The following IQSEC1 variants were observed in gnomAD, a reference collection of about 807,000 sequenced individuals.
IQSEC1 encodes IQ motif and Sec7 domain ArfGEF 1.
IQSEC1 carries 31 observed loss-of-function variants against 91.0 expected under a neutral mutation model. That is an observed-to-expected ratio of 0.34 (90% CI 0.26 to 0.46). The LOEUF (loss-of-function observed/expected upper bound fraction) is 0.46, where lower values mean the gene tolerates loss of function less well. Ranked by LOEUF, IQSEC1 falls within the 20% of genes least tolerant of loss-of-function variation. The pLI is 1.00. For synonymous variants in IQSEC1, 699 were observed against 662.6 expected (o/e 1.05, Z -0.84); for missense variants, 1,388 against 1,575.6 (o/e 0.88, Z 2.02).
chr3:13,194,713 C>T (rs1361352232), intron 1 of IQSEC1, among the ~76,000 whole-genome samples: 1 of 152,088 alleles, frequency 6.6e-6, no homozygotes, highest in African/African-American at 2.4e-5. Flanking sequence ...CGTGCTTCCT[C>T]CTTTGAATCT....
intron 1 of IQSEC1, among the ~76,000 whole-genome samples, chr3:13,217,071 T>A (rs1329969537): frequency 6.6e-6 from 1 of 152,092 alleles, no homozygotes; most frequent in Non-Finnish European, 1.5e-5. Context: ...AAAAGATGAT[T>A]TTGATTTTAT....
rs1053992246 is a variant in IQSEC1 at position 12,908,709 on chromosome 3, G to A, written c.2579-184C>T. Among the ~76,000 whole-genome samples, 2 of 152,002 alleles carry A rather than the reference G, an allele frequency of 1.3e-5. No individual in the cohort carries two copies. The highest frequency in any genetic ancestry group is 4.8e-5 in the African/African-American group (2 of 41,380). ...CAAAAGAGCAGAAAGGAGATCCCAG[G>A]AGGGAGGCTAGAGAGACCAGAGGGC... On this transcript the variant is annotated intron_variant, in intron 11 of 13. Transcript: ENST00000613206. The surrounding 1 kb of genome is among the most constrained non-coding windows in gnomAD (Gnocchi z 4.9).
In IQSEC1 at chr3:12,924,808, A is replaced by G; in HGVS notation, c.1569-66T>C. ...GCCACCAGCCAGGCACCTGGAGGGG[A>G]TCTCCGCTCAGTGGACGGTCGACAT... On this transcript the variant is annotated intron_variant, in intron 3 of 13. Coordinates refer to ENST00000613206, the MANE Select transcript of IQSEC1 (RefSeq NM_001134382.3). This position sits in a 1 kb window ranked among gnomAD's most constrained non-coding sequence, Gnocchi z 6.3. 1 of 1,445,328 alleles carries G rather than the reference A, an allele frequency of 6.9e-7. No individual in the cohort carries two copies. Among genetic ancestry groups the G allele is most frequent in the Non-Finnish European group, 9.3e-7 (1 of 1,072,754 alleles). 89.5% of individuals were successfully genotyped at this position (1,445,328 alleles called of 1,614,324 possible).
chr3:13,076,947 T>G (rs1705571908), upstream of IQSEC1, among the ~76,000 whole-genome samples: 1 of 152,080 alleles, frequency 6.6e-6, no homozygotes, highest in Admixed American at 6.6e-5. Flanking sequence ...TATGCATTTA[T>G]CTACATATAT....
At chr3:13,112,350 C>T (rs1036202705) in intron 2 of IQSEC1, among the ~76,000 whole-genome samples, 6 of 152,340 alleles carry the variant, frequency 3.9e-5, no homozygotes, top group South Asian at 2.1e-4. Context: ...GGCAATTCCC[C>T]GACCTCTCCC....
At chr3:13,248,639 C>T (rs1359385184) in intron 1 of IQSEC1, among the ~76,000 whole-genome samples, 2 of 152,232 alleles carry the variant, frequency 1.3e-5, no homozygotes, top group South Asian at 4.1e-4. Flanking sequence ...ATAAAAGTAG[C>T]CCCCTTACAG....
Position 13,193,831 on chromosome 3 carries a change from C to T in IQSEC1, c.273-29698G>A, listed in dbSNP as rs1398266340. 6.6e-6 allele frequency among the ~76,000 whole-genome samples: 1 copy of T among 152,206 alleles called. No individual in the cohort carries two copies. The highest frequency in any genetic ancestry group is 1.9e-4 in the East Asian group (1 of 5,198). ...CCCAGACCTGGCCTGTGTGACTCCA[C>T]CAGCGGCCAGCAGCTTCCAGTGTCC... is the stretch of plus-strand genomic sequence containing the variant. On this transcript the variant is annotated intron_variant, in intron 1 of 15. Transcript: ENST00000648114. This position sits in a 1 kb window ranked among gnomAD's most constrained non-coding sequence, Gnocchi z 4.2.
At chr3:13,228,951 T>A (rs201692075) in intron 1 of IQSEC1, among the ~76,000 whole-genome samples, 1 of 152,204 alleles carries the variant, frequency 6.6e-6, no homozygotes, top group East Asian at 1.9e-4. Context: ...CAATCTCTCA[T>A]TGGTCTGAGA....
At chr3:13,267,930 T>G (rs58392209) in intron 1 of IQSEC1, among the ~76,000 whole-genome samples, 7,539 of 152,206 alleles carry the variant, frequency 0.05, 618 homozygotes, top group African/African-American at 0.17. Flanking sequence ...GTCAGCAAAT[T>G]TCTTAAACAA....
At chr3:12,963,138 G>C (rs1052861357) in intron 1 of IQSEC1, among the ~76,000 whole-genome samples, 11 of 152,218 alleles carry the variant, frequency 7.2e-5, no homozygotes, top group African/African-American at 2.4e-4. Context: ...ACTGAGCTTT[G>C]AACAAAGAGG....
chr3:12,988,276 G>T (rs545572120), intron 1 of IQSEC1, among the ~76,000 whole-genome samples: 1 of 152,116 alleles, frequency 6.6e-6, no homozygotes, highest in Non-Finnish European at 1.5e-5. Flanking sequence ...TTAGCCAGGC[G>T]TGGTGGTAGG....
chr3:13,113,863 C>T (rs144186193), intron 2 of IQSEC1, among the ~76,000 whole-genome samples: 2 of 152,198 alleles, frequency 1.3e-5, no homozygotes, highest in African/African-American at 2.4e-5. Context: ...GGAAGCACCC[C>T]GATGGCCATC....
At chr3:13,079,625 C>T (rs532993623) in intron 2 of IQSEC1, among the ~76,000 whole-genome samples, 1 of 152,314 alleles carries the variant, frequency 6.6e-6, no homozygotes, top group East Asian at 1.9e-4. Context: ...ACTGGGGCCC[C>T]CATGGGGAGG....
In IQSEC1 at chr3:13,073,131, G is replaced by A. The variant is rs967552417; in HGVS notation, c.-117C>T. 1.6e-5 allele frequency: 20 copies of A among 1,289,142 alleles called. No individual in the cohort carries two copies. The highest frequency in any genetic ancestry group is 2.0e-5 in the Admixed American group (1 of 49,794). The allele number at this position is 1,289,142 out of a possible 1,614,324, so 79.9% of individuals were successfully genotyped here. The stretch of plus-strand genomic sequence containing the variant: ...GTGGAGGGGAATAAAATTAAATCGC[G>A]GGGCGAGTCACATTCCCGGGGGTGG... On this transcript the variant is annotated 5_prime_UTR_variant, in exon 1 of 14. Transcript: ENST00000613206.
In IQSEC1 at chr3:12,938,315, C is replaced by T. The variant is rs143732038; in HGVS notation, c.319-1618G>A. 3.7e-3 allele frequency among the ~76,000 whole-genome samples: 567 copies of T among 152,290 alleles called. 9 individuals carry two copies. Among genetic ancestry groups the T allele is most frequent in the Non-Finnish European group, 2.6e-3 (179 of 68,020 alleles). ...GTCAAGGAGAGCAGGCAGCTGCAGG[C>T]GCAGAACTGAAATAATGCCAAACAG... On this transcript the variant is annotated intron_variant, in intron 2 of 13. Transcript: ENST00000613206.
At chr3:13,007,067 A>G (rs1420340812) in intron 1 of IQSEC1, among the ~76,000 whole-genome samples, 1 of 152,172 alleles carries the variant, frequency 6.6e-6, no homozygotes, top group Non-Finnish European at 1.5e-5. Context: ...GTCCTCCTCC[A>G]GGTCTTTTTG....
chr3:13,081,631 A>G (rs1559251191), intron 2 of IQSEC1, among the ~76,000 whole-genome samples: 1 of 152,234 alleles, frequency 6.6e-6, no homozygotes. Flanking sequence ...AAAGTAAAAT[A>G]TATTACTACA....
intron 2 of IQSEC1, among the ~76,000 whole-genome samples, chr3:12,938,732 C>T (rs1328598709): frequency 1.3e-5 from 2 of 152,128 alleles, no homozygotes; most frequent in East Asian, 1.9e-4. Flanking sequence ...CCAGCTCAGG[C>T]CTAGAGCTCC....
Position 13,177,145 on chromosome 3 carries a change from C to T in IQSEC1, c.273-13012G>A, listed in dbSNP as rs148512423. Among the ~76,000 whole-genome samples, 314 of 152,268 alleles carry T rather than the reference C, an allele frequency of 2.1e-3. 4 individuals carry two copies. The East Asian group carries it at 0.026, about 12-fold the overall frequency. On this transcript the variant is annotated intron_variant, in intron 1 of 15. Transcript: ENST00000648114. ...CAATGGCGAGGGGTGTACAAGTCTGCGGATACCCTAGCAACCACTGGATTA... is the reference window on the plus strand; with the variant it reads ...CAATGGCGAGGGGTGTACAAGTCTGTGGATACCCTAGCAACCACTGGATTA...
Sources: gnomAD v4.1 joint callset for allele counts (sites outside exome capture counted in the v4.1 genomes callset) on GRCh38, gnomAD v4.1.1 for gene constraint, Gnocchi (gnomAD v3.1) non-coding constraint, MANE v1.5 for transcripts, NCBI Gene and HGNC (gene_info 2026-07-23, HGNC 2026-07-21) for gene names.